Variants in ZNRF2 observed in about 807,000 individuals in gnomAD.
ZNRF2 encodes E3 ubiquitin-protein ligase ZNRF2.
Under a neutral mutation model 20.4 loss-of-function variants are expected in ZNRF2, and 16 were observed. The observed-to-expected ratio is 0.79, with a 90% CI of 0.53 to 1.19. The LOEUF is 1.19. Ranked by LOEUF, ZNRF2 falls within the 50% of genes most tolerant of loss-of-function variation. The pLI is 0.00. For missense variants in ZNRF2, 363 were observed against 332.4 expected, an observed-to-expected ratio of 1.09 and a Z score of -0.72; for synonymous variants, 178 against 144.9, an observed-to-expected ratio of 1.23 and a Z score of -1.64.
rs183637985 is a variant in ZNRF2 at position 30,337,155 on chromosome 7, G to A, written c.565+13418G>A. ...CTGGTTTTATGTATTTCATAACTAT[G>A]TTGTTTGCACAGATATTTATGACTT... On this transcript the variant is annotated intron_variant, in intron 2 of 4. Coordinates refer to ENST00000323037, the MANE Select transcript of ZNRF2 (RefSeq NM_147128.4). Among the ~76,000 whole-genome samples the A allele has an allele frequency of 4.0e-5, 6 of 150,400 alleles. No homozygotes were observed. In the East Asian group the frequency reaches 7.7e-4, roughly 19 times the overall value.
chr7:30,315,734 G>C (rs926807224), intron 1 of ZNRF2, among the ~76,000 whole-genome samples: 5 of 97,772 alleles, frequency 5.1e-5, no homozygotes, highest in Non-Finnish European at 8.5e-5. Context: ...GGGCGGGGGG[G>C]GGGGGGTTGG....
intron 1 of ZNRF2, among the ~76,000 whole-genome samples, chr7:30,298,727 T>C (rs1799059075): frequency 6.6e-6 from 1 of 152,132 alleles, no homozygotes; most frequent in Admixed American, 6.5e-5. Context: ...AGTGCCAGGG[T>C]TGGGGTTGCT....
chr7:30,285,744 C>A lies in ZNRF2; in HGVS notation c.387C>A (p.Asp129Glu). 1 of 1,478,304 alleles carries A rather than the reference C, an allele frequency of 6.8e-7. No homozygotes were observed. Among genetic ancestry groups the A allele is most frequent in the Admixed American group, 2.6e-5 (1 of 37,742 alleles). The allele number at this position is 1,478,304 out of a possible 1,614,324, so 91.6% of individuals were successfully genotyped here. A position where few individuals can be genotyped will look rare whatever the true frequency, so the allele number is the denominator to read the frequency against. The stretch of plus-strand genomic sequence containing the variant: ...CTGAGGACGGCGGCGGCGGCCGGGA[C>A]CGGCCGGTGGGCGGGAGCCCCGGCG... ...SSPEDGGGGR[D>E]RPVGGSPGGP... The change falls in exon 1 of 5, where the codon GAC becomes GAA. Residue 129 changes from aspartate (D) to glutamate (E), a missense_variant. By Grantham distance (45) the Asp-to-Glu change is conservative. Transcript: ENST00000323037.
intron 2 of ZNRF2, among the ~76,000 whole-genome samples, chr7:30,338,635 A>G (rs1020219190): frequency 7.2e-5 from 11 of 152,044 alleles, no homozygotes; most frequent in African/African-American, 2.2e-4. Context: ...ATAGTATTCC[A>G]TGGGTGTATA....
chr7:30,295,854 T>C (rs954114793), intron 1 of ZNRF2, among the ~76,000 whole-genome samples: 5 of 152,250 alleles, frequency 3.3e-5, no homozygotes, highest in Non-Finnish European at 4.4e-5. Context: ...GCACTTCCAG[T>C]CTCACCCTCC....
At chr7:30,314,122 C>T (rs1016560751) in intron 1 of ZNRF2, among the ~76,000 whole-genome samples, 1 of 152,172 alleles carries the variant, frequency 6.6e-6, no homozygotes, top group African/African-American at 2.4e-5. Flanking sequence ...TCACGTTGTA[C>T]TCTGTTTGAC....
chr7:30,286,325 G>A (rs1375233220), intron 1 of ZNRF2, among the ~76,000 whole-genome samples: 1 of 152,206 alleles, frequency 6.6e-6, no homozygotes, highest in East Asian at 1.9e-4. Context: ...CCTGAAATCT[G>A]TGTCAGTAGT....
Position 30,285,175 on chromosome 7 carries a change from G to A in ZNRF2, c.-183G>A, listed in dbSNP as rs770175740. 299 of 428,986 alleles carry A rather than the reference G, an allele frequency of 7.0e-4. 1 individual carries two copies. The highest frequency in any genetic ancestry group is 1.1e-3 in the Non-Finnish European group (268 of 239,298). 26.6% of individuals were successfully genotyped at this position (428,986 alleles called of 1,614,324 possible). A position where few individuals can be genotyped will look rare whatever the true frequency, so the allele number is the denominator to read the frequency against. The stretch of plus-strand genomic sequence containing the variant: ...CGTCAGGCCGTCGGCCTCGCCCGCC[G>A]CCCCAAGAAGAGCGCGCCGGGCGCC... On this transcript the variant is annotated 5_prime_UTR_variant, in exon 1 of 5. Coordinates refer to ENST00000323037, the MANE Select transcript of ZNRF2 (RefSeq NM_147128.4).
chr7:30,363,471 G>A (rs1048285409), intron 4 of ZNRF2, among the ~76,000 whole-genome samples: 1 of 152,124 alleles, frequency 6.6e-6, no homozygotes, highest in Non-Finnish European at 1.5e-5. Flanking sequence ...TTGAACCCAG[G>A]TATTCTGGTT....
chr7:30,347,383 C>G (rs1317998017), intron 2 of ZNRF2, among the ~76,000 whole-genome samples: 2 of 152,178 alleles, frequency 1.3e-5, no homozygotes, highest in South Asian at 2.1e-4. Flanking sequence ...TGGCTTCTTT[C>G]TGGTGCTTTC....
intron 1 of ZNRF2, among the ~76,000 whole-genome samples, chr7:30,322,365 A>C (rs1480776015): frequency 1.3e-5 from 2 of 152,194 alleles, no homozygotes; most frequent in East Asian, 3.9e-4. Flanking sequence ...GTTTCACATC[A>C]CAGTGAAGGG....
intron 2 of ZNRF2, among the ~76,000 whole-genome samples, chr7:30,328,098 C>T (rs1451649872): frequency 1.3e-5 from 2 of 152,088 alleles, no homozygotes; most frequent in Non-Finnish European, 2.9e-5. Flanking sequence ...ACTTTCCTAT[C>T]ATAGGCAAGG....
intron 1 of ZNRF2, among the ~76,000 whole-genome samples, chr7:30,291,613 A>G (rs1053425689): frequency 1.1e-4 from 16 of 152,230 alleles, no homozygotes; most frequent in African/African-American, 3.9e-4. Context: ...ACCAGTATTA[A>G]AGATGAAAAG....
rs115526923 is a variant in ZNRF2 at position 30,362,584 on chromosome 7, T to C, written c.*22+128T>C. 311 of 472,794 alleles carry C rather than the reference T, an allele frequency of 6.6e-4. 1 individual carries two copies. The highest frequency in any genetic ancestry group is 5.8e-3 in the African/African-American group (296 of 50,890). The allele number at this position is 472,794 out of a possible 1,614,324, so 29.3% of individuals were successfully genotyped here. On this transcript the variant is annotated intron_variant, in intron 4 of 4. Coordinates refer to ENST00000323037, the MANE Select transcript of ZNRF2 (RefSeq NM_147128.4). ...ATGTGTATGTTTCAGACACTTAGGC[T>C]ACTGCATAGAAAACTTACATTAAAA...
chr7:30,317,125 T>A (rs2128061661), intron 1 of ZNRF2, among the ~76,000 whole-genome samples: 1 of 152,346 alleles, frequency 6.6e-6, no homozygotes, highest in South Asian at 2.1e-4. Context: ...AATTTCCTAA[T>A]CTGCCTTTAA....
Position 30,331,984 on chromosome 7 carries a change from A to G in ZNRF2, c.565+8247A>G, listed in dbSNP as rs577740065. Among the ~76,000 whole-genome samples the G allele has an allele frequency of 2.6e-5, 4 of 152,322 alleles. No individual in the cohort carries two copies. The East Asian group carries it at 7.7e-4, about 29-fold the overall frequency. On this transcript the variant is annotated intron_variant, in intron 2 of 4. Coordinates refer to ENST00000323037, the MANE Select transcript of ZNRF2 (RefSeq NM_147128.4). ...GTTACCAAAATTGTAAGCCCATTTT[A>G]TAAGGCACTAAATTCAGTTTTACTT...
chr7:30,343,400 A>G (rs1451619172), intron 2 of ZNRF2, among the ~76,000 whole-genome samples: 2 of 152,134 alleles, frequency 1.3e-5, no homozygotes, highest in African/African-American at 4.8e-5. Flanking sequence ...AAGGTCTTTA[A>G]TATTCATCTT....
intron 1 of ZNRF2, among the ~76,000 whole-genome samples, chr7:30,294,753 C>G (rs920428414): frequency 1.3e-5 from 2 of 150,880 alleles, no homozygotes; most frequent in African/African-American, 5.0e-5. Context: ...CCACTGTACT[C>G]CAGCCTGGGT....
intron 2 of ZNRF2, among the ~76,000 whole-genome samples, chr7:30,352,672 G>T (rs1315623969): frequency 6.6e-6 from 1 of 152,022 alleles, no homozygotes; most frequent in Non-Finnish European, 1.5e-5. Flanking sequence ...AGTTAAATCT[G>T]TGAGTGTTCC....
Sources: gnomAD v4.1 joint callset for allele counts (sites outside exome capture counted in the v4.1 genomes callset) on GRCh38, gnomAD v4.1.1 for gene constraint, MANE v1.5 for transcripts, NCBI Gene and HGNC (gene_info 2026-07-23, HGNC 2026-07-21) for gene names.